CD5L: variants seen among roughly 807,000 people sequenced by gnomAD.
CD5L encodes CD5 antigen-like.
In CD5L, 39 loss-of-function variants were observed where a neutral mutation model predicts 40.8. That is an observed-to-expected ratio of 0.96 (90% CI 0.74 to 1.25). The LOEUF (loss-of-function observed/expected upper bound fraction) is 1.25. Among genes scored for constraint, CD5L ranks in the 50% most tolerant of loss-of-function variants. The pLI, the probability that CD5L is intolerant of heterozygous loss-of-function variation, is 0.00. For synonymous variants in CD5L, 192 were observed against 169.6 expected (o/e 1.13, Z -1.03); for missense variants, 433 against 435.9 (o/e 0.99, Z 0.06).
At position 157,831,611 on chromosome 1, in the gene CD5L, C is replaced by T; in HGVS notation, c.*353G>A. On this transcript the variant is annotated 3_prime_UTR_variant, in exon 6 of 6. Coordinates refer to ENST00000368174, the MANE Select transcript of CD5L (RefSeq NM_005894.3). ...GATTAGTAATGTTTGCAGACATAGACCTTAGTAATGGTCTGCACATCTGAC... is the reference window on the plus strand; with the variant it reads ...GATTAGTAATGTTTGCAGACATAGATCTTAGTAATGGTCTGCACATCTGAC... The T allele has an allele frequency of 1.8e-6, 2 of 1,089,498 alleles. No individual in the cohort carries two copies. The highest frequency in any genetic ancestry group is 9.0e-5 in the South Asian group (2 of 22,302). 67.5% of individuals were successfully genotyped at this position (1,089,498 alleles called of 1,614,324 possible).
chr1:157,839,330 T>C (rs919190365), intron 2 of CD5L, 54 bp downstream of exon 2: 2 of 1,575,418 alleles, frequency 1.3e-6, no homozygotes. Flanking sequence ...AGCTTCAAAA[T>C]TTTCCCTCTC....
chr1:157,834,385 T>A (rs1380330602), intron 4 of CD5L, 22 bp downstream of exon 4: 1 of 1,581,088 alleles, frequency 6.3e-7, no homozygotes, highest in Non-Finnish European at 8.7e-7. Flanking sequence ...ATAAACCTAG[T>A]CTTTGGACGC....
intron 5 of CD5L, 44 bp downstream of exon 5, chr1:157,833,148 C>T (rs751115954): frequency 3.4e-6 from 5 of 1,472,786 alleles, no homozygotes; most frequent in Non-Finnish European, 4.7e-6. Context: ...CTTCCTTTAT[C>T]ATCCTCCTTG....
In CD5L at chr1:157,834,574, G is replaced by A. The variant is rs1057298009; in HGVS notation, c.551C>T (p.Ala184Val). Residue 184 changes from alanine (A) to valine (V), a missense_variant, in exon 4 of 6, where the codon GCT (alanine) becomes GTT (valine). By Grantham distance (64) the Ala-to-Val change is moderately conservative (BLOSUM62 0). Transcript: ENST00000368174. The stretch of plus-strand genomic sequence containing the variant: ...GTTGCAGCGTTTTTGAGTCAGTACA[G>A]CCCTCCCACATCCCAGCTGCCGGCA... The part of the protein sequence containing the change: ...VVCRQLGCGR[A>V]VLTQKRCNKH... 1 of 1,614,154 alleles carries A rather than the reference G, an allele frequency of 6.2e-7. No homozygotes were observed. Among genetic ancestry groups the A allele is most frequent in the East Asian group, 2.2e-5 (1 of 44,876 alleles).
intron 2 of CD5L, among the ~76,000 whole-genome samples, chr1:157,837,698 A>G (rs187853412): frequency 6.8e-4 from 103 of 152,264 alleles, no homozygotes; most frequent in African/African-American, 2.4e-3. Context: ...ACTTGTCACA[A>G]CTGCACACAA....
At chr1:157,828,506 G>A (rs764185882), downstream of CD5L, among the ~76,000 whole-genome samples, 8 of 152,004 alleles carry the variant, frequency 5.3e-5, no homozygotes, top group Non-Finnish European at 1.2e-4. Context: ...ACACCAACAG[G>A]AGCAACTCTC....
At chr1:157,839,344 A>G in intron 2 of CD5L, 40 bp downstream of exon 2, 3 of 1,608,476 alleles carry the variant, frequency 1.9e-6, no homozygotes, top group Admixed American at 3.3e-5. Flanking sequence ...CCCTCTCCTA[A>G]GCTTGAGGCC....
At chr1:157,839,187 G>A (rs756893257) in intron 2 of CD5L, among the ~76,000 whole-genome samples, 197 bp downstream of exon 2, 9 of 152,158 alleles carry the variant, frequency 5.9e-5, no homozygotes, top group Non-Finnish European at 1.0e-4. Context: ...CCCCCTGCCA[G>A]GATAAACCAC....
rs1208324311 is a variant in CD5L, at chr1:157,838,606, GAAAT to G, written c.55+774_55+777del. ...GTAAACAAGAAATTCAGGGAAAGAA[GAAAT>G]AAATAAAAAAAAATTACTTTTTTAA... On this transcript the variant is annotated intron_variant, in intron 2 of 5. Transcript: ENST00000368174. Among the ~76,000 whole-genome samples, 3 of 151,664 alleles carry G rather than the reference GAAAT, an allele frequency of 2.0e-5. No individual in the cohort carries two copies. The South Asian group carries it at 6.3e-4, about 32-fold the overall frequency.
In CD5L at chr1:157,831,895, A is replaced by G; in HGVS notation, c.*69T>C. On this transcript the variant is annotated 3_prime_UTR_variant, in exon 6 of 6. Coordinates refer to ENST00000368174, the MANE Select transcript of CD5L (RefSeq NM_005894.3). ...GAGCCCCAGAATGAGTATGAGGATA[A>G]TCAGGGCTCAGGAGAACAAGCAGAG... is the stretch of plus-strand genomic sequence containing the variant. The G allele has an allele frequency of 6.5e-7, 1 of 1,527,302 alleles. No individual in the cohort carries two copies. The highest frequency in any genetic ancestry group is 8.7e-7 in the Non-Finnish European group (1 of 1,144,536). The allele number at this position is 1,527,302 out of a possible 1,614,324, so 94.6% of individuals were successfully genotyped here. A position where few individuals can be genotyped will look rare whatever the true frequency, so the allele number is the denominator to read the frequency against.
At chr1:157,838,564 T>C (rs1217503744) in intron 2 of CD5L, among the ~76,000 whole-genome samples, 1 of 149,872 alleles carries the variant, frequency 6.7e-6, no homozygotes, top group African/African-American at 2.5e-5. Context: ...AAATAAAAAA[T>C]AAAAAACAAA....
intron 5 of CD5L, among the ~76,000 whole-genome samples, chr1:157,832,343 C>G (rs1457116816): frequency 6.6e-6 from 1 of 152,192 alleles, no homozygotes; most frequent in East Asian, 1.9e-4. Context: ...TGGCTCAAAC[C>G]CTAGCCTCCT....
rs752277856 is a variant in CD5L, at chr1:157,839,415, G to T, written c.29-5C>A. 1 of 1,612,684 alleles carries T rather than the reference G, an allele frequency of 6.2e-7. No individual in the cohort carries two copies. Among genetic ancestry groups the T allele is most frequent in the Non-Finnish European group, 8.5e-7 (1 of 1,179,616 alleles). ...ATCCAGGTCTGGTGCAAATGGCTGG[G>T]GAAGAAAGAAGGAAATGAGTGAGGT... On this transcript the variant is annotated splice_region_variant and splice_polypyrimidine_tract_variant and intron_variant, in intron 1 of 5. Coordinates refer to ENST00000368174, the MANE Select transcript of CD5L (RefSeq NM_005894.3).
chr1:157,831,582 C>A lies in CD5L; in HGVS notation c.*382G>T, dbSNP rs1656049009. On this transcript the variant is annotated 3_prime_UTR_variant, in exon 6 of 6. Transcript: ENST00000368174. ...TTGCAGACATAGATTAGTAATAGGA[C>A]CTAGATTAGTAATGTTTGCAGACAT... 1.9e-6 allele frequency: 2 copies of A among 1,037,254 alleles called. No individual in the cohort carries two copies. Among genetic ancestry groups the A allele is most frequent in the East Asian group, 7.7e-5 (1 of 12,904 alleles). 64.3% of individuals were successfully genotyped at this position (1,037,254 alleles called of 1,614,324 possible). A position where few individuals can be genotyped will look rare whatever the true frequency, so the allele number is the denominator to read the frequency against.
chr1:157,835,608 T>C (rs928677989), intron 3 of CD5L, among the ~76,000 whole-genome samples: 2 of 152,230 alleles, frequency 1.3e-5, no homozygotes, highest in Non-Finnish European at 2.9e-5. Context: ...AGTTCTCATA[T>C]AGATTGAAAC....
chr1:157,837,792 TTGA>T (rs1656259689), intron 2 of CD5L, among the ~76,000 whole-genome samples: 1 of 109,956 alleles, frequency 9.1e-6, no homozygotes, highest in South Asian at 3.6e-4. Context: ...TTTTTTTTTT[TTGA>T]GACAGAGTCT....
At chr1:157,840,650 A>C (rs1397005408) in intron 1 of CD5L, among the ~76,000 whole-genome samples, 1 of 152,312 alleles carries the variant, frequency 6.6e-6, no homozygotes, top group Non-Finnish European at 1.5e-5. Context: ...ACATGTGTAC[A>C]TGTGAAGGAA....
chr1:157,828,657 C>T (rs1041381719), downstream of CD5L, among the ~76,000 whole-genome samples: 4 of 152,218 alleles, frequency 2.6e-5, no homozygotes, highest in African/African-American at 9.6e-5. Flanking sequence ...CAGTAACCAA[C>T]TCATTAATGC....
intron 1 of CD5L, among the ~76,000 whole-genome samples, chr1:157,841,142 A>G (rs532348771): frequency 2.1e-4 from 32 of 152,334 alleles, no homozygotes; most frequent in African/African-American, 6.3e-4. Flanking sequence ...TCACACCGCT[A>G]AGAAATCAAA....
Sources: gnomAD v4.1 joint callset for allele counts (sites outside exome capture counted in the v4.1 genomes callset) on GRCh38, gnomAD v4.1.1 for gene constraint, MANE v1.5 for transcripts, NCBI Gene and HGNC (gene_info 2026-07-23, HGNC 2026-07-21) for gene names.